LRRC37A2: variants seen among roughly 807,000 people sequenced by gnomAD.
LRRC37A2 encodes leucine-rich repeat-containing protein 37A2.
In LRRC37A2, 9 loss-of-function variants were observed where a neutral mutation model predicts 68.8. The ratio of observed to expected loss-of-function variants is 0.13; its 90% CI spans 0.08 to 0.23. The LOEUF is 0.23. Among genes scored for constraint, LRRC37A2 ranks in the 10% least tolerant of loss-of-function variants. The probability of loss-of-function intolerance (pLI) is 1.00; values close to 1 mark genes in which losing one functional copy is unlikely to be tolerated. For synonymous variants in LRRC37A2, 63 were observed against 367.6 expected (o/e 0.17, Z 9.48); for missense variants, 168 against 950.4 (o/e 0.18, Z 10.82).
the LRRC37A2 span, among the ~76,000 whole-genome samples, chr17:46,953,192 C>T: frequency 6.6e-6 from 1 of 151,832 alleles, no homozygotes. Flanking sequence ...TGCTATCCCT[C>T]CCCACTCCCC....
At chr17:46,783,242 C>G in the LRRC37A2 span, among the ~76,000 whole-genome samples, 1 of 152,178 alleles carries the variant, frequency 6.6e-6, no homozygotes, top group South Asian at 2.1e-4. Flanking sequence ...AGCAGCTGCC[C>G]GGGCTCTAAG....
the LRRC37A2 span, among the ~76,000 whole-genome samples, chr17:46,772,528 T>G: frequency 6.6e-6 from 1 of 151,756 alleles, no homozygotes; most frequent in Non-Finnish European, 1.5e-5. Flanking sequence ...CAAGAACGAG[T>G]TTGAAATGCA....
chr17:46,940,904 G>C, the LRRC37A2 span: 1 of 1,358,814 alleles, frequency 7.4e-7, no homozygotes, highest in Non-Finnish European at 9.5e-7. Flanking sequence ...TCACACATCT[G>C]CTTTCAGTGC....
the LRRC37A2 span, among the ~76,000 whole-genome samples, chr17:46,970,838 G>C: frequency 6.6e-6 from 1 of 152,250 alleles, no homozygotes; most frequent in East Asian, 1.9e-4. Context: ...ACACTGATAA[G>C]TGAAAAACAG....
At chr17:46,851,838 C>A in the LRRC37A2 span, 1 of 461,428 alleles carries the variant, frequency 2.2e-6, no homozygotes, top group African/African-American at 2.0e-5. This position sits in a 1 kb window ranked among gnomAD's most constrained non-coding sequence, Gnocchi z 4.3. Flanking sequence ...AACTCAGACC[C>A]TAGCCCGGCG....
chr17:46,946,508 GAA>G, the LRRC37A2 span, among the ~76,000 whole-genome samples: 17 of 141,668 alleles, frequency 1.2e-4, no homozygotes, highest in Admixed American at 2.8e-4. Context: ...TCCCTTTGTG[GAA>G]AAAAAAAAAA....
chr17:46,545,429 G>A (rs2056145598), intron 8 of LRRC37A2, among the ~76,000 whole-genome samples: 1 of 105,122 alleles, frequency 9.5e-6, no homozygotes, highest in Non-Finnish European at 1.7e-5. Flanking sequence ...TTCAGCCTGG[G>A]TGACAAAATA....
the LRRC37A2 span, chr17:46,818,459 C>A: frequency 3.9e-6 from 6 of 1,545,028 alleles, no homozygotes; most frequent in African/African-American, 8.2e-5. Context: ...CCGGCGCCCC[C>A]ACCTTCCCCG....
At chr17:46,963,183 A>G in the LRRC37A2 span, among the ~76,000 whole-genome samples, 1 of 152,248 alleles carries the variant, frequency 6.6e-6, no homozygotes, top group Non-Finnish European at 1.5e-5. Context: ...TAAGCTTTCT[A>G]TTCCTTGTCT....
the LRRC37A2 span, chr17:46,939,933 C>T: frequency 1.6e-5 from 16 of 1,000,612 alleles, no homozygotes; most frequent in African/African-American, 1.7e-5. Context: ...TTACCACAGG[C>T]CTACCAGCCC....
the LRRC37A2 span, chr17:46,940,539 C>T: frequency 6.2e-7 from 1 of 1,613,976 alleles, no homozygotes; most frequent in East Asian, 2.2e-5. Flanking sequence ...GACGGCAAGG[C>T]TGTCCTGTCC....
At chr17:46,998,539 C>T in the LRRC37A2 span, among the ~76,000 whole-genome samples, 7 of 152,172 alleles carry the variant, frequency 4.6e-5, no homozygotes, top group East Asian at 1.9e-4. Context: ...CCAGAGCTGT[C>T]GGCTTCTGCA....
chr17:46,713,152 A>T, the LRRC37A2 span: 1 of 152,208 alleles, frequency 6.6e-6, no homozygotes. Context: ...TTTTGTTGTT[A>T]TGTATTAAAC....
chr17:46,769,958 A>G, the LRRC37A2 span: 15 of 1,612,874 alleles, frequency 9.3e-6, no homozygotes, highest in Non-Finnish European at 1.2e-5. Flanking sequence ...ACAGCCGCAA[A>G]TGGTGGAGGT....
At chr17:46,424,202 AT>A in the LRRC37A2 span, among the ~76,000 whole-genome samples, 1 of 62,632 alleles carries the variant, frequency 1.6e-5, no homozygotes, top group African/African-American at 5.9e-5. Context: ...ACACTGTAAA[AT>A]TTGGTTCTGT....
the LRRC37A2 span, among the ~76,000 whole-genome samples, chr17:46,856,261 T>G: frequency 6.6e-6 from 1 of 152,040 alleles, no homozygotes; most frequent in Admixed American, 6.6e-5. Flanking sequence ...ATCTGAGAGG[T>G]GAGGGTGAGG....
the LRRC37A2 span, among the ~76,000 whole-genome samples, chr17:46,727,420 A>C: frequency 1.3e-5 from 2 of 152,218 alleles, no homozygotes; most frequent in Non-Finnish European, 2.9e-5. Context: ...CTGGTGACTT[A>C]ATAACATCTG....
chr17:46,891,913 C>CTTTTTTTTTT, the LRRC37A2 span, among the ~76,000 whole-genome samples: 2 of 117,304 alleles, frequency 1.7e-5, no homozygotes, highest in African/African-American at 3.5e-5. Flanking sequence ...CTTTTCTTTT[C>CTTTTTTTTTT]TTTTCTTTTT....
the LRRC37A2 span, among the ~76,000 whole-genome samples, chr17:46,784,905 A>G: frequency 1.3e-5 from 2 of 151,390 alleles, no homozygotes; most frequent in Non-Finnish European, 2.9e-5. Flanking sequence ...CCTCCCGAGT[A>G]GCTGGGACTA....
Sources: allele counts gnomAD v4.1 joint callset (sites outside exome capture counted in the v4.1 genomes callset), GRCh38; gene constraint gnomAD v4.1.1; non-coding constraint Gnocchi (gnomAD v3.1); transcripts MANE v1.5; gene names NCBI Gene and HGNC (gene_info 2026-07-23, HGNC 2026-07-21).